The following SOX6 variants were observed in gnomAD, a reference collection of about 807,000 sequenced individuals.
SOX6 encodes the protein transcription factor SOX-6.
A neutral mutation model predicts 97.8 loss-of-function variants in SOX6; 11 were observed. The ratio of observed to expected loss-of-function variants is 0.11; its 90% CI spans 0.07 to 0.19. The LOEUF is 0.19. Among genes scored for constraint, SOX6 ranks in the 10% least tolerant of loss-of-function variants. SOX6 has a pLI of 1.00. For missense variants in SOX6, 810 were observed against 1,039.5 expected (o/e 0.78, Z 3.04); for synonymous variants, 360 against 371.4 (o/e 0.97, Z 0.35).
intron 6 of SOX6, among the ~76,000 whole-genome samples, chr11:16,143,587 G>A (rs1335986264): frequency 1.3e-5 from 2 of 152,126 alleles, no homozygotes; most frequent in South Asian, 2.1e-4. Flanking sequence ...ACCCATCAGC[G>A]TGCTGTATTC....
chr11:16,505,996 A>G (rs188556968), intron 4 of SOX6, among the ~76,000 whole-genome samples: 7 of 152,330 alleles, frequency 4.6e-5, no homozygotes, highest in South Asian at 2.1e-4. Flanking sequence ...GAGAACCTCT[A>G]CTAGGGCAGC....
intron 14 of SOX6, 48 bp downstream of exon 14, chr11:15,988,949 G>A (rs752216140): frequency 1.3e-6 from 2 of 1,552,364 alleles, no homozygotes; most frequent in South Asian, 1.1e-5. Context: ...TGGCACTCAT[G>A]GGATTTGCAG....
At chr11:16,439,535 T>A (rs1215210702) in intron 1 of SOX6, among the ~76,000 whole-genome samples, 2 of 152,164 alleles carry the variant, frequency 1.3e-5, no homozygotes, top group Non-Finnish European at 1.5e-5. Context: ...CTCTAAAGAA[T>A]ACTATATAGA....
chr11:16,051,469 G>A (rs1186161989), intron 10 of SOX6, among the ~76,000 whole-genome samples: 2 of 152,016 alleles, frequency 1.3e-5, no homozygotes, highest in Non-Finnish European at 2.9e-5. Context: ...GTGTTCATAG[G>A]GAAAAGGCAA....
At chr11:16,362,922 T>A (rs1857246680) in intron 1 of SOX6, among the ~76,000 whole-genome samples, 1 of 152,162 alleles carries the variant, frequency 6.6e-6, no homozygotes, top group African/African-American at 2.4e-5. Flanking sequence ...ATACTTCTAG[T>A]CATAGAGATC....
At chr11:16,014,526 G>A (rs73417059) in intron 13 of SOX6, among the ~76,000 whole-genome samples, 16,322 of 151,946 alleles carry the variant, frequency 0.11, 1,857 homozygotes, top group East Asian at 0.36. Context: ...ATCACTTTAT[G>A]CCCCACAAAT....
At chr11:16,342,799 C>T (rs566244206) in intron 1 of SOX6, among the ~76,000 whole-genome samples, 53 of 151,696 alleles carry the variant, frequency 3.5e-4, no homozygotes, top group African/African-American at 1.1e-3. Context: ...TCTAATTATG[C>T]GCAGTTCAAA....
At chr11:16,348,698 A>AT (rs1276314184) in intron 1 of SOX6, among the ~76,000 whole-genome samples, 1 of 152,072 alleles carries the variant, frequency 6.6e-6, no homozygotes, top group Admixed American at 6.6e-5. Context: ...ATGTCAGCGC[A>AT]TTTTCCATTA....
chr11:16,413,559 C>A (rs1858866376), intron 1 of SOX6, among the ~76,000 whole-genome samples: 1 of 122,644 alleles, frequency 8.2e-6, no homozygotes, highest in African/African-American at 3.2e-5. Flanking sequence ...TCACTCTTGT[C>A]GCCCAGGCTG....
intron 4 of SOX6, among the ~76,000 whole-genome samples, chr11:16,589,147 T>A (rs1848124771): frequency 6.6e-6 from 1 of 152,226 alleles, no homozygotes. Context: ...AGGGACTATG[T>A]CCCAGAAGAG....
At chr11:16,681,787 C>G (rs577216636) in intron 3 of SOX6, among the ~76,000 whole-genome samples, 38 of 152,204 alleles carry the variant, frequency 2.5e-4, no homozygotes, top group Non-Finnish European at 4.9e-4. Flanking sequence ...GATATTGCCA[C>G]TGATCCCACA....
rs1853821172 is a variant in SOX6, at chr11:16,259,830, G to T, written c.446-25159C>A. Among the ~76,000 whole-genome samples, 4 of 151,830 alleles carry T rather than the reference G, an allele frequency of 2.6e-5. No individual in the cohort carries two copies. In the South Asian group the frequency reaches 8.3e-4, roughly 32 times the overall value. On this transcript the variant is annotated intron_variant, in intron 3 of 15. Coordinates refer to ENST00000683767, the MANE Select transcript of SOX6 (RefSeq NM_001367873.1). ...AAATGTTCTATATCTTGCTATGGAT[G>T]GTGGTTACACACATAAAAATGTGGT...
At chr11:16,098,009 G>C (rs916824342) in intron 7 of SOX6, among the ~76,000 whole-genome samples, 1 of 151,822 alleles carries the variant, frequency 6.6e-6, no homozygotes, top group African/African-American at 2.4e-5. Context: ...AAGCCAGGCT[G>C]ACACTCAGTA....
chr11:16,115,222 T>C (rs1269563802), intron 6 of SOX6, among the ~76,000 whole-genome samples: 1 of 152,136 alleles, frequency 6.6e-6, no homozygotes, highest in African/African-American at 2.4e-5. Flanking sequence ...TGACCTAACC[T>C]AGTAGTTCTC....
At chr11:16,217,879 AAC>A (rs2134152516) in intron 4 of SOX6, among the ~76,000 whole-genome samples, 1 of 152,222 alleles carries the variant, frequency 6.6e-6, no homozygotes, top group South Asian at 2.1e-4. Context: ...TATGAAAATA[AAC>A]AGTTACCTGC....
chr11:16,540,447 C>T (rs1021951466), intron 4 of SOX6, among the ~76,000 whole-genome samples: 2 of 152,068 alleles, frequency 1.3e-5, no homozygotes, highest in African/African-American at 4.8e-5. Flanking sequence ...TCCTATTCAA[C>T]ATAGTGTTGG....
At chr11:16,244,796 T>A (rs2134190341) in intron 3 of SOX6, among the ~76,000 whole-genome samples, 1 of 151,510 alleles carries the variant, frequency 6.6e-6, no homozygotes, top group East Asian at 1.9e-4. Context: ...ATCTATTTCT[T>A]AATTCTTTTC....
intron 3 of SOX6, among the ~76,000 whole-genome samples, chr11:16,647,741 TA>T (rs946347855): frequency 1.3e-5 from 2 of 152,292 alleles, no homozygotes; most frequent in African/African-American, 4.8e-5. Flanking sequence ...TGGGGACTCT[TA>T]AAATTCAAAT....
chr11:16,184,240 A>T (rs1851413945), intron 5 of SOX6, among the ~76,000 whole-genome samples: 1 of 152,180 alleles, frequency 6.6e-6, no homozygotes, highest in Non-Finnish European at 1.5e-5. Flanking sequence ...TTAGAAATCG[A>T]ATCCTTGTAG....
Sources: gnomAD v4.1 joint callset for allele counts (sites outside exome capture counted in the v4.1 genomes callset) on GRCh38, gnomAD v4.1.1 for gene constraint, MANE v1.5 for transcripts, NCBI Gene and HGNC (gene_info 2026-07-23, HGNC 2026-07-21) for gene names.